GPC5: variants seen among roughly 807,000 people sequenced by gnomAD.
GPC5 encodes glypican-5.
In GPC5, 47 loss-of-function variants were observed where a neutral mutation model predicts 53.9. The observed-to-expected ratio is 0.87, with a 90% CI of 0.69 to 1.11. The LOEUF is 1.11. Ranked by LOEUF, GPC5 falls within the 50% of genes most tolerant of loss-of-function variation. GPC5 has a pLI of 0.00. For synonymous variants in GPC5, 286 were observed against 263.3 expected, an observed-to-expected ratio of 1.09 and a Z score of -0.84; for missense variants, 748 against 713.1, an observed-to-expected ratio of 1.05 and a Z score of -0.56.
Position 92,008,218 on chromosome 13 carries a change from A to G in GPC5, c.1401+100161A>G, listed in dbSNP as rs569760308. Among the ~76,000 whole-genome samples the G allele has an allele frequency of 4.2e-4, 63 of 151,786 alleles. No homozygotes were observed. In the Middle Eastern group the frequency reaches 0.014, roughly 33 times the overall value. ...GCTGGGACTACAGGCGCCCGCTACC[A>G]CGCCCGGCTAATTTTTTGTATTTTT... On this transcript the variant is annotated intron_variant, in intron 6 of 7. Transcript: ENST00000377067.
intron 7 of GPC5, among the ~76,000 whole-genome samples, chr13:92,399,148 C>T (rs1270025061): frequency 6.6e-6 from 1 of 152,152 alleles, no homozygotes; most frequent in Non-Finnish European, 1.5e-5. Flanking sequence ...TTACTTGTTT[C>T]ACAAACTTTT....
At position 91,811,941 on chromosome 13, in the gene GPC5, C is replaced by A. The variant is rs373195646; in HGVS notation, c.1280+55521C>A. Among the ~76,000 whole-genome samples the A allele has an allele frequency of 4.6e-5, 7 of 152,256 alleles. No homozygotes were observed. The South Asian group carries it at 6.2e-4, about 14-fold the overall frequency. ...ACACTCAGAACACTTTCTCAGCATG[C>A]CTACAACGTGGAGCTGCAGTGTGAA... On this transcript the variant is annotated intron_variant, in intron 5 of 7. Coordinates refer to ENST00000377067, the MANE Select transcript of GPC5 (RefSeq NM_004466.6).
At chr13:92,319,087 G>A (rs1014263755) in intron 7 of GPC5, among the ~76,000 whole-genome samples, 8 of 152,100 alleles carry the variant, frequency 5.3e-5, no homozygotes, top group Non-Finnish European at 8.8e-5. Context: ...CTGGTGGGAT[G>A]AAGGGTGGAA....
chr13:92,337,893 G>T (rs776396562), intron 7 of GPC5, among the ~76,000 whole-genome samples: 3 of 152,036 alleles, frequency 2.0e-5, no homozygotes, highest in Admixed American at 6.6e-5. Context: ...GCTGAACTTG[G>T]TTATGGAAAA....
At chr13:91,859,728 A>G (rs1434830345) in intron 5 of GPC5, among the ~76,000 whole-genome samples, 1 of 151,504 alleles carries the variant, frequency 6.6e-6, no homozygotes, top group East Asian at 1.9e-4. Flanking sequence ...TATTTATTTC[A>G]ATTTCATTTA....
intron 7 of GPC5, among the ~76,000 whole-genome samples, chr13:92,824,310 T>C (rs968798905): frequency 1.3e-5 from 2 of 152,118 alleles, no homozygotes; most frequent in Non-Finnish European, 2.9e-5. Flanking sequence ...ACAGGAGTTT[T>C]CCTAAGCTGA....
chr13:91,857,498 G>C (rs1378368289), intron 5 of GPC5, among the ~76,000 whole-genome samples: 1 of 150,480 alleles, frequency 6.6e-6, no homozygotes, highest in African/African-American at 2.4e-5. Flanking sequence ...TTCACATATT[G>C]GTCTTATGTC....
chr13:91,776,378 C>T (rs1431712595), intron 5 of GPC5, among the ~76,000 whole-genome samples: 1 of 152,064 alleles, frequency 6.6e-6, no homozygotes, highest in Non-Finnish European at 1.5e-5. Context: ...TTTATACATC[C>T]TTATAGGTTC....
At chr13:92,527,049 A>G (rs1254124165) in intron 7 of GPC5, among the ~76,000 whole-genome samples, 2 of 149,684 alleles carry the variant, frequency 1.3e-5, no homozygotes, top group Admixed American at 1.4e-4. Context: ...TTACAAATTT[A>G]GAGTAAATAT....
intron 5 of GPC5, among the ~76,000 whole-genome samples, chr13:91,891,374 C>A (rs561328209): frequency 6.6e-6 from 1 of 152,118 alleles, no homozygotes; most frequent in African/African-American, 2.4e-5. Context: ...GGCTGGGAAC[C>A]TTTGAAGGCA....
At chr13:92,500,917 AC>A (rs1398012019) in intron 7 of GPC5, among the ~76,000 whole-genome samples, 2 of 152,182 alleles carry the variant, frequency 1.3e-5, no homozygotes, top group Non-Finnish European at 2.9e-5. Flanking sequence ...AGGGGAGATT[AC>A]AGAGAGGGAG....
At chr13:92,641,703 T>C (rs542451900) in intron 7 of GPC5, among the ~76,000 whole-genome samples, 1 of 152,192 alleles carries the variant, frequency 6.6e-6, no homozygotes, top group South Asian at 2.1e-4. Context: ...TTTTATATTG[T>C]AGTTTTTGTA....
intron 7 of GPC5, among the ~76,000 whole-genome samples, chr13:92,860,086 C>T (rs903137507): frequency 6.6e-6 from 1 of 152,064 alleles, no homozygotes; most frequent in Non-Finnish European, 1.5e-5. Flanking sequence ...TACTATTTTA[C>T]CTTAATCTTT....
intron 2 of GPC5, among the ~76,000 whole-genome samples, chr13:91,511,748 A>C (rs1468729429): frequency 1.3e-5 from 2 of 151,212 alleles, no homozygotes; most frequent in Admixed American, 1.3e-4. Context: ...CCATCTCTTC[A>C]TGCATGTTAT....
chr13:91,998,322 A>G (rs2138748246), intron 6 of GPC5, among the ~76,000 whole-genome samples: 1 of 152,362 alleles, frequency 6.6e-6, no homozygotes, highest in East Asian at 1.9e-4. Flanking sequence ...TTGCTCTTCA[A>G]GATTATCTTG....
chr13:92,061,835 A>T (rs1470844370), intron 6 of GPC5, among the ~76,000 whole-genome samples: 2 of 151,964 alleles, frequency 1.3e-5, no homozygotes, highest in African/African-American at 4.8e-5. Flanking sequence ...TGTGGGCCTC[A>T]TCCATTTCCA....
intron 7 of GPC5, among the ~76,000 whole-genome samples, chr13:92,778,667 C>T (rs1875908340): frequency 6.6e-6 from 1 of 152,092 alleles, no homozygotes; most frequent in Non-Finnish European, 1.5e-5. Flanking sequence ...ACATCTTCAA[C>T]CATTATTTTA....
intron 7 of GPC5, among the ~76,000 whole-genome samples, chr13:92,513,197 T>C (rs1276284313): frequency 6.6e-6 from 1 of 152,206 alleles, no homozygotes; most frequent in Non-Finnish European, 1.5e-5. Flanking sequence ...CCTTTTCCTG[T>C]AGTGAAAATC....
chr13:92,162,705 T>C (rs1337678996), intron 7 of GPC5, among the ~76,000 whole-genome samples: 1 of 152,220 alleles, frequency 6.6e-6, no homozygotes, highest in African/African-American at 2.4e-5. Context: ...CCAACTCATG[T>C]ATTAAAACCT....
Sources: gnomAD v4.1 joint callset for allele counts (sites outside exome capture counted in the v4.1 genomes callset) on GRCh38, gnomAD v4.1.1 for gene constraint, MANE v1.5 for transcripts, NCBI Gene and HGNC (gene_info 2026-07-23, HGNC 2026-07-21) for gene names.